CCBE1: variants seen among roughly 807,000 people sequenced by gnomAD.
CCBE1 encodes collagen and calcium binding EGF domains 1.
In CCBE1, 37 loss-of-function variants were observed where a neutral mutation model predicts 50.0. The observed-to-expected ratio is 0.74, with a 90% CI of 0.57 to 0.97. The LOEUF is 0.97. Ranked by LOEUF, CCBE1 falls within the 50% of genes least tolerant of loss-of-function variation. The pLI, the probability that CCBE1 is intolerant of heterozygous loss-of-function variation, is 0.00. For synonymous variants in CCBE1, 234 were observed against 203.7 expected (o/e 1.15, Z -1.27); for missense variants, 538 against 523.8 (o/e 1.03, Z -0.26).
chr18:59,637,769 C>G (rs2053933136), intron 2 of CCBE1, among the ~76,000 whole-genome samples: 1 of 152,088 alleles, frequency 6.6e-6, no homozygotes. Context: ...CAAAATACAA[C>G]TTAATGAAAG....
At chr18:59,677,120 T>C (rs538720793) in intron 2 of CCBE1, among the ~76,000 whole-genome samples, 45 of 152,190 alleles carry the variant, frequency 3.0e-4, no homozygotes, top group South Asian at 8.3e-4. Context: ...TACATGGGAA[T>C]AGATTGCAAG....
At chr18:59,445,396 A>G (rs909372101) in intron 7 of CCBE1, among the ~76,000 whole-genome samples, 4 of 152,214 alleles carry the variant, frequency 2.6e-5, no homozygotes, top group Admixed American at 6.5e-5. Flanking sequence ...AAGTGATTGC[A>G]TTGAAGAGAC....
intron 3 of CCBE1, among the ~76,000 whole-genome samples, chr18:59,479,487 G>A (rs1005296748): frequency 1.1e-4 from 16 of 152,172 alleles, no homozygotes; most frequent in African/African-American, 3.9e-4. Flanking sequence ...CATTTATCAA[G>A]CATATAATAA....
At chr18:59,581,336 G>A (rs1342375685) in intron 2 of CCBE1, among the ~76,000 whole-genome samples, 1 of 151,808 alleles carries the variant, frequency 6.6e-6, no homozygotes, top group Admixed American at 6.6e-5. Context: ...AGCTACTCAG[G>A]AGGCTGAGGC....
intron 2 of CCBE1, among the ~76,000 whole-genome samples, chr18:59,622,315 T>G (rs768575508): frequency 6.6e-6 from 1 of 152,118 alleles, no homozygotes; most frequent in Non-Finnish European, 1.5e-5. Flanking sequence ...TACATCCTTA[T>G]TTCAACCTTG....
intron 2 of CCBE1, among the ~76,000 whole-genome samples, chr18:59,571,654 C>T (rs1430206270): frequency 6.6e-6 from 1 of 152,110 alleles, no homozygotes; most frequent in African/African-American, 2.4e-5. Context: ...TTATAGTAGT[C>T]CCATTAAGTA....
chr18:59,639,366 A>T (rs1329090202), intron 2 of CCBE1, among the ~76,000 whole-genome samples: 1 of 152,260 alleles, frequency 6.6e-6, no homozygotes, highest in African/African-American at 2.4e-5. Flanking sequence ...AATGTGATTC[A>T]TCACATAAAC....
intron 2 of CCBE1, among the ~76,000 whole-genome samples, chr18:59,617,205 G>A (rs904597858): frequency 6.6e-6 from 1 of 152,196 alleles, no homozygotes; most frequent in Non-Finnish European, 1.5e-5. Context: ...ATTTGGGGTT[G>A]AAAAAGTTAT....
intron 5 of CCBE1, among the ~76,000 whole-genome samples, chr18:59,464,410 T>G (rs555854912): frequency 1.2e-4 from 19 of 152,294 alleles, no homozygotes; most frequent in Admixed American, 1.2e-3. Flanking sequence ...CACTCCAGCC[T>G]GGGCAACAGA....
chr18:59,476,473 G>A (rs1231573657), intron 3 of CCBE1, among the ~76,000 whole-genome samples: 1 of 152,190 alleles, frequency 6.6e-6, no homozygotes, highest in Non-Finnish European at 1.5e-5. Context: ...ATGTTAAGGG[G>A]CCAGATGATA....
Position 59,473,329 on chromosome 18 carries a change from G to C in CCBE1, c.266-3722C>G, listed in dbSNP as rs1912127638. On this transcript the variant is annotated intron_variant, in intron 3 of 10. Coordinates refer to ENST00000439986, the MANE Select transcript of CCBE1 (RefSeq NM_133459.4). ...TCCAGCTTTTCAATGCTGCTGCAGG[G>C]AAGTCCTGTGAGATTCAAACTCTTG... 2.6e-5 allele frequency among the ~76,000 whole-genome samples: 4 copies of C among 152,132 alleles called. No individual in the cohort carries two copies. In the South Asian group the frequency reaches 8.4e-4, roughly 32 times the overall value.
chr18:59,495,271 ACG>A (rs762685407), intron 2 of CCBE1, among the ~76,000 whole-genome samples: 118 of 152,194 alleles, frequency 7.8e-4, no homozygotes, highest in African/African-American at 2.7e-3. Flanking sequence ...TATAACAATT[ACG>A]TAACTGTGAT....
chr18:59,565,179 C>A (rs1452265112), intron 2 of CCBE1, among the ~76,000 whole-genome samples: 1 of 149,848 alleles, frequency 6.7e-6, no homozygotes, highest in East Asian at 2.0e-4. Context: ...TTGGTTAACT[C>A]TGAGTGTCAA....
intron 2 of CCBE1, among the ~76,000 whole-genome samples, chr18:59,643,970 C>A (rs978378788): frequency 1.3e-5 from 2 of 152,202 alleles, no homozygotes; most frequent in Non-Finnish European, 1.5e-5. Flanking sequence ...CCCTCTCCCC[C>A]ACCTCTGGAG....
chr18:59,477,711 A>G (rs1207456958), intron 3 of CCBE1, among the ~76,000 whole-genome samples: 1 of 152,218 alleles, frequency 6.6e-6, no homozygotes, highest in African/African-American at 2.4e-5. Flanking sequence ...GAGATGCTGG[A>G]AAAGTCCAGT....
At chr18:59,634,491 G>A (rs1163400330) in intron 2 of CCBE1, among the ~76,000 whole-genome samples, 1 of 152,150 alleles carries the variant, frequency 6.6e-6, no homozygotes, top group Non-Finnish European at 1.5e-5. Context: ...CTCAAGCCAG[G>A]GCCTTTTGGA....
chr18:59,469,958 G>A (rs1344435572), intron 3 of CCBE1, among the ~76,000 whole-genome samples: 2 of 152,140 alleles, frequency 1.3e-5, no homozygotes, highest in Admixed American at 1.3e-4. Flanking sequence ...TGCTGTAGAG[G>A]CAGGTGACTC....
At chr18:59,574,142 T>G (rs1568213799) in intron 2 of CCBE1, among the ~76,000 whole-genome samples, 1 of 152,204 alleles carries the variant, frequency 6.6e-6, no homozygotes, top group African/African-American at 2.4e-5. Flanking sequence ...TAGGCATCAC[T>G]GGTTCACACT....
At chr18:59,540,687 C>T (rs1915432772) in intron 2 of CCBE1, among the ~76,000 whole-genome samples, 1 of 152,186 alleles carries the variant, frequency 6.6e-6, no homozygotes, top group Non-Finnish European at 1.5e-5. Flanking sequence ...TGTTCTAAAA[C>T]AGGTGTTGGC....
Sources: gnomAD v4.1 joint callset for allele counts (sites outside exome capture counted in the v4.1 genomes callset) on GRCh38, gnomAD v4.1.1 for gene constraint, MANE v1.5 for transcripts, NCBI Gene and HGNC (gene_info 2026-07-23, HGNC 2026-07-21) for gene names.